Variants in NR5A2 observed in about 807,000 individuals in gnomAD.
NR5A2 encodes the protein CYP7A promoter-binding factor.
Under a neutral mutation model 62.7 loss-of-function variants are expected in NR5A2, and 26 were observed. That is an observed-to-expected ratio of 0.41 (90% confidence interval 0.30 to 0.58). The LOEUF is 0.58. NR5A2 is among the 20% of genes least tolerant of loss of function. The pLI, the probability that NR5A2 is intolerant of heterozygous loss-of-function variation, is 0.22. For missense variants in NR5A2, 541 were observed against 669.1 expected, an observed-to-expected ratio of 0.81 and a Z score of 2.11; for synonymous variants, 246 against 241.7, an observed-to-expected ratio of 1.02 and a Z score of -0.16.
intron 7 of NR5A2, among the ~76,000 whole-genome samples, chr1:200,125,299 A>C (rs1300074446): frequency 6.6e-6 from 1 of 152,262 alleles, no homozygotes; most frequent in African/African-American, 2.4e-5. Context: ...CTTTCTTGGC[A>C]TTGATACAAT....
chr1:200,161,196 A>G (rs751820749), intron 7 of NR5A2, among the ~76,000 whole-genome samples: 6 of 152,158 alleles, frequency 3.9e-5, no homozygotes, highest in Non-Finnish European at 8.8e-5. Context: ...TTATTGTTAA[A>G]TCTATTTTAA....
intron 7 of NR5A2, among the ~76,000 whole-genome samples, chr1:200,126,627 G>T (rs1424311752): frequency 6.6e-6 from 1 of 151,800 alleles, no homozygotes; most frequent in Non-Finnish European, 1.5e-5. Context: ...AGAGGATTTG[G>T]CATCTTCTTT....
intron 5 of NR5A2, among the ~76,000 whole-genome samples, chr1:200,077,194 G>T (rs1392342491): frequency 6.6e-6 from 1 of 152,156 alleles, no homozygotes; most frequent in Non-Finnish European, 1.5e-5. Context: ...AAAAACATAT[G>T]TATTTCTCAT....
At chr1:200,171,426 G>T (rs1325220916) in intron 7 of NR5A2, among the ~76,000 whole-genome samples, 7 of 152,100 alleles carry the variant, frequency 4.6e-5, no homozygotes, top group African/African-American at 1.7e-4. Flanking sequence ...GGGGGAAAAG[G>T]GTGTCAGTTT....
At chr1:200,089,714 TC>T (rs1218886992) in intron 5 of NR5A2, among the ~76,000 whole-genome samples, 1 of 151,946 alleles carries the variant, frequency 6.6e-6, no homozygotes, top group East Asian at 1.9e-4. Context: ...AAGGGATCCA[TC>T]CTCCTCAGCC....
Position 200,036,836 on chromosome 1 carries a change from T to G in NR5A2, c.65-2822T>G, listed in dbSNP as rs1319295427. Among the ~76,000 whole-genome samples the G allele has an allele frequency of 2.0e-5, 3 of 152,158 alleles. No individual in the cohort carries two copies. The East Asian group carries it at 5.8e-4, about 29-fold the overall frequency. On this transcript the variant is annotated intron_variant, in intron 1 of 7. Transcript: ENST00000367362. The stretch of plus-strand genomic sequence containing the variant: ...TCTGCTCTTTCAGTCCCCCTCCATT[T>G]CGCTGCTACGCTTAGGTTTTGGCCT...
intron 7 of NR5A2, among the ~76,000 whole-genome samples, chr1:200,171,045 G>C (rs181385000): frequency 6.6e-6 from 1 of 152,114 alleles, no homozygotes; most frequent in Non-Finnish European, 1.5e-5. Context: ...AGGAGCTTAC[G>C]GTCTGCATAG....
rs1272853909 is a variant in NR5A2 at position 200,174,689 on chromosome 1, A to T, written c.*479A>T. The T allele has an allele frequency of 1.3e-5, 2 of 152,820 alleles. No individual in the cohort carries two copies. The highest frequency in any genetic ancestry group is 3.8e-4 in the East Asian group (2 of 5,204). 9.5% of individuals were successfully genotyped at this position (152,820 alleles called of 1,614,324 possible). A position where few individuals can be genotyped will look rare whatever the true frequency, so the allele number is the denominator to read the frequency against. On this transcript the variant is annotated 3_prime_UTR_variant, in exon 8 of 8. Coordinates refer to ENST00000367362, the MANE Select transcript of NR5A2 (RefSeq NM_205860.3). ...AGAATGCATCAGCTGTACCTACAAT[A>T]GCCCCTCCCTCTTCCTTTGAAGGCC...
chr1:200,161,817 G>A lies in NR5A2; in HGVS notation c.1379-12146G>A, dbSNP rs187803589. Among the ~76,000 whole-genome samples the A allele has an allele frequency of 1.4e-3, 218 of 152,290 alleles. No individual in the cohort carries two copies. In the Middle Eastern group the frequency reaches 0.017, roughly 12 times the overall value. ...ATTTTTATTGAATTAATTTGCATAT[G>A]CTTTGTATTCATGGGCACTGAATAC... On this transcript the variant is annotated intron_variant, in intron 7 of 7. Coordinates refer to ENST00000367362, the MANE Select transcript of NR5A2 (RefSeq NM_205860.3).
chr1:200,044,735 G>A (rs1054211532), intron 3 of NR5A2, among the ~76,000 whole-genome samples: 15 of 151,640 alleles, frequency 9.9e-5, no homozygotes, highest in African/African-American at 3.6e-4. Flanking sequence ...ATACTATCCT[G>A]GTAAATCTCA....
In NR5A2 at chr1:200,055,321, G is replaced by A. The variant is rs192426075; in HGVS notation, c.1110+6503G>A. Among the ~76,000 whole-genome samples, 45 of 152,052 alleles carry A rather than the reference G, an allele frequency of 3.0e-4. No homozygotes were observed. The East Asian group carries it at 7.4e-3, about 25-fold the overall frequency. On this transcript the variant is annotated intron_variant, in intron 5 of 7. Coordinates refer to ENST00000367362, the MANE Select transcript of NR5A2 (RefSeq NM_205860.3). Reference sequence around the variant, plus strand: ...AGTGATTCTCCTGCCTCAGCCTCCCGAGTAGCTGGGATTATAGCGCCTGCC... The same window carrying A: ...AGTGATTCTCCTGCCTCAGCCTCCCAAGTAGCTGGGATTATAGCGCCTGCC...
intron 7 of NR5A2, among the ~76,000 whole-genome samples, chr1:200,132,754 A>G (rs1269617369): frequency 1.3e-5 from 2 of 151,558 alleles, no homozygotes; most frequent in East Asian, 3.9e-4. Context: ...TGTGTCAACC[A>G]CTCTGTTCAA....
chr1:200,166,334 T>G (rs552105473), intron 7 of NR5A2, among the ~76,000 whole-genome samples: 1 of 152,268 alleles, frequency 6.6e-6, no homozygotes, highest in South Asian at 2.1e-4. Flanking sequence ...CCCACAAAGG[T>G]GCCCCATAAC....
chr1:200,175,085 A>G lies in NR5A2; in HGVS notation c.*875A>G, dbSNP rs1215384332. ...TTTGGCATTGTTGGATTTCATAAAAAATTTCTGGCAGGAAGTCTTGTTAGT... is the reference window on the plus strand; with the variant it reads ...TTTGGCATTGTTGGATTTCATAAAAGATTTCTGGCAGGAAGTCTTGTTAGT... On this transcript the variant is annotated 3_prime_UTR_variant, in exon 8 of 8. Coordinates refer to ENST00000367362, the MANE Select transcript of NR5A2 (RefSeq NM_205860.3). 2 of 152,634 alleles carry G rather than the reference A, an allele frequency of 1.3e-5. No individual in the cohort carries two copies. The highest frequency in any genetic ancestry group is 2.9e-5 in the Non-Finnish European group (2 of 68,028). 9.5% of individuals were successfully genotyped at this position (152,634 alleles called of 1,614,324 possible). A position where few individuals can be genotyped will look rare whatever the true frequency, so the allele number is the denominator to read the frequency against.
chr1:200,157,779 C>G (rs951735228), intron 7 of NR5A2, among the ~76,000 whole-genome samples: 1 of 152,198 alleles, frequency 6.6e-6, no homozygotes, highest in African/African-American at 2.4e-5. Flanking sequence ...GAGACCCTCT[C>G]TTTTCATTTT....
chr1:200,039,800 G>T lies in NR5A2; in HGVS notation c.202+5G>T. The T allele has an allele frequency of 6.3e-7, 1 of 1,595,168 alleles. No individual in the cohort carries two copies. The highest frequency in any genetic ancestry group is 8.5e-7 in the Non-Finnish European group (1 of 1,172,384). On this transcript the variant is annotated splice_donor_5th_base_variant and intron_variant, in intron 2 of 7. Transcript: ENST00000367362. The surrounding 1 kb of genome is among the most constrained non-coding windows in gnomAD (Gnocchi z 5.1). ...AGATGCCGGAAAACATGCAAGGTAAGGAGGCGCCGCGCGGCGCTCCGGCTC... is the reference window on the plus strand; with the variant it reads ...AGATGCCGGAAAACATGCAAGGTAATGAGGCGCCGCGCGGCGCTCCGGCTC...
chr1:200,072,445 C>T (rs914183788), intron 5 of NR5A2, among the ~76,000 whole-genome samples: 1 of 152,114 alleles, frequency 6.6e-6, no homozygotes, highest in Non-Finnish European at 1.5e-5. Context: ...CATAATGTGA[C>T]ACCCTTTTAA....
At chr1:200,141,244 T>A (rs1667431664) in intron 7 of NR5A2, among the ~76,000 whole-genome samples, 1 of 152,224 alleles carries the variant, frequency 6.6e-6, no homozygotes, top group Admixed American at 6.5e-5. Context: ...ACCACAAGTT[T>A]CCTTTGCGCT....
chr1:200,058,161 C>T (rs916729459), intron 5 of NR5A2: 9 of 152,088 alleles, frequency 5.9e-5, no homozygotes, highest in African/African-American at 2.2e-4. Flanking sequence ...TTTTTTTGGT[C>T]CTGGTCTCTG....
Sources: allele counts gnomAD v4.1 joint callset (sites outside exome capture counted in the v4.1 genomes callset), GRCh38; gene constraint gnomAD v4.1.1; non-coding constraint Gnocchi (gnomAD v3.1); transcripts MANE v1.5; gene names NCBI Gene and HGNC (gene_info 2026-07-23, HGNC 2026-07-21).